Variants in CDH18 observed in about 807,000 individuals in gnomAD.
CDH18 encodes the protein cadherin 18.
In CDH18, 31 loss-of-function variants were observed where a neutral mutation model predicts 67.9. The ratio of observed to expected loss-of-function variants is 0.46; its 90% CI spans 0.34 to 0.62. The LOEUF (loss-of-function observed/expected upper bound fraction) is 0.62, where lower values mean the gene tolerates loss of function less well. Ranked by LOEUF, CDH18 falls within the 20% of genes least tolerant of loss-of-function variation. The probability of loss-of-function intolerance (pLI) is 0.01; values close to 1 mark genes in which losing one functional copy is unlikely to be tolerated. For missense variants in CDH18, 890 were observed against 975.5 expected (o/e 0.91, Z 1.17); for synonymous variants, 362 against 347.2 (o/e 1.04, Z -0.48).
intron 2 of CDH18, among the ~76,000 whole-genome samples, chr5:19,999,293 A>G (rs1487791884): frequency 6.6e-6 from 1 of 151,934 alleles, no homozygotes; most frequent in Non-Finnish European, 1.5e-5. Flanking sequence ...CTCCTCCACA[A>G]TTGCCCACAT....
intron 2 of CDH18, among the ~76,000 whole-genome samples, chr5:19,935,725 G>C (rs1421160043): frequency 7.1e-6 from 1 of 140,532 alleles, no homozygotes; most frequent in Non-Finnish European, 1.6e-5. Flanking sequence ...TTTTTTTACT[G>C]TGGAAAATAA....
At chr5:20,374,673 A>G (rs995858414) in intron 1 of CDH18, among the ~76,000 whole-genome samples, 2 of 152,220 alleles carry the variant, frequency 1.3e-5, no homozygotes, top group African/African-American at 4.8e-5. Flanking sequence ...GCTAAGTTGA[A>G]CAAATAAAAC....
At chr5:19,741,219 A>G (rs994051610) in intron 4 of CDH18, among the ~76,000 whole-genome samples, 14 of 106,738 alleles carry the variant, frequency 1.3e-4, no homozygotes, top group Admixed American at 1.3e-3. Context: ...ATATATGTAT[A>G]TATACATGTA....
chr5:19,888,804 C>T (rs1282198683), intron 2 of CDH18, among the ~76,000 whole-genome samples: 1 of 152,082 alleles, frequency 6.6e-6, no homozygotes, highest in Non-Finnish European at 1.5e-5. Flanking sequence ...GTCCTGGTAA[C>T]AGACATTTTT....
chr5:19,488,268 A>C (rs1328071844), intron 11 of CDH18, among the ~76,000 whole-genome samples: 1 of 152,222 alleles, frequency 6.6e-6, no homozygotes, highest in Non-Finnish European at 1.5e-5. Context: ...GAAAATATTA[A>C]AAAGTATGTG....
intron 1 of CDH18, among the ~76,000 whole-genome samples, chr5:20,424,141 T>A (rs1748090556): frequency 6.6e-6 from 1 of 150,448 alleles, no homozygotes; most frequent in African/African-American, 2.5e-5. Context: ...AGAGTTCTAC[T>A]AAAAGAAAAA....
At chr5:20,205,214 G>T (rs569459958) in intron 2 of CDH18, among the ~76,000 whole-genome samples, 1 of 151,840 alleles carries the variant, frequency 6.6e-6, no homozygotes, top group Non-Finnish European at 1.5e-5. Context: ...GCTGGAAACC[G>T]AAAATGAGCA....
At chr5:20,409,950 G>A (rs905573858) in intron 1 of CDH18, among the ~76,000 whole-genome samples, 36 of 151,460 alleles carry the variant, frequency 2.4e-4, no homozygotes, top group African/African-American at 8.5e-4. Context: ...TGAAGAAATA[G>A]AAAATCTAAA....
intron 1 of CDH18, chr5:20,304,250 A>G (rs1736212567): frequency 9.5e-6 from 15 of 1,584,454 alleles, no homozygotes; most frequent in Middle Eastern, 1.7e-4. Flanking sequence ...TATGTTGCCT[A>G]AATTGGTGTC....
intron 2 of CDH18, among the ~76,000 whole-genome samples, chr5:19,873,716 T>G (rs1260722443): frequency 6.6e-6 from 1 of 152,048 alleles, no homozygotes; most frequent in Non-Finnish European, 1.5e-5. Context: ...GGCACGATCT[T>G]GGCTCACTGC....
rs774396694 is a variant in CDH18, at chr5:20,555,408, C to CTTTTTTTTTT, written c.-580+20044_-580+20053dup. Among the ~76,000 whole-genome samples, 82 of 103,640 alleles carry CTTTTTTTTTT rather than the reference C, an allele frequency of 7.9e-4. 3 individuals are homozygous for CTTTTTTTTTT. The highest frequency in any genetic ancestry group is 1.5e-3 in the African/African-American group (36 of 24,366). The allele number at this position is 103,640 out of a possible 152,430, so 68.0% of individuals were successfully genotyped here. On this transcript the variant is annotated intron_variant, in intron 1 of 14. Coordinates refer to the CDH18 transcript ENST00000507958. ...GCCAGAACCACCAAGACAAGCTTTT[C>CTTTTTTTTTT]TTTTTTTTTTTTTTTTTTTTTTTTT...
intron 5 of CDH18, among the ~76,000 whole-genome samples, chr5:19,678,280 A>C (rs1759781831): frequency 1.3e-5 from 2 of 151,412 alleles, no homozygotes; most frequent in Admixed American, 6.6e-5. Context: ...CAGCAAACAC[A>C]CTCTCGGACA....
At chr5:20,105,681 C>T (rs534082448) in intron 2 of CDH18, among the ~76,000 whole-genome samples, 6 of 152,306 alleles carry the variant, frequency 3.9e-5, no homozygotes, top group South Asian at 2.1e-4. Context: ...CATTCTTTCA[C>T]GTCTGGCTTA....
intron 1 of CDH18, among the ~76,000 whole-genome samples, chr5:20,484,269 A>G (rs367580353): frequency 1.6e-4 from 24 of 152,230 alleles, no homozygotes; most frequent in African/African-American, 5.1e-4. Flanking sequence ...TCCAAAAGAC[A>G]GGCAATAATA....
intron 1 of CDH18, among the ~76,000 whole-genome samples, chr5:20,477,030 G>A (rs973252793): frequency 2.0e-5 from 3 of 152,192 alleles, no homozygotes; most frequent in Non-Finnish European, 2.9e-5. Flanking sequence ...GAGTTTTAGG[G>A]ATGCTATAGG....
At chr5:19,852,855 T>A (rs1431478162) in intron 2 of CDH18, among the ~76,000 whole-genome samples, 2 of 152,028 alleles carry the variant, frequency 1.3e-5, no homozygotes, top group Non-Finnish European at 2.9e-5. Flanking sequence ...TCCTATATAA[T>A]CCAGAGCAAC....
At chr5:19,872,657 C>T (rs7721928) in intron 2 of CDH18, among the ~76,000 whole-genome samples, 47,500 of 152,096 alleles carry the variant, frequency 0.31, 8,200 homozygotes, top group South Asian at 0.4. Context: ...GCCCAGCTGG[C>T]AACTTGATTG....
At chr5:19,622,224 T>A (rs562392769) in intron 5 of CDH18, among the ~76,000 whole-genome samples, 1 of 152,148 alleles carries the variant, frequency 6.6e-6, no homozygotes. Flanking sequence ...CTTCAAGAGA[T>A]GGCAGAAACA....
chr5:20,567,177 G>A (rs940369426), intron 1 of CDH18, among the ~76,000 whole-genome samples: 2 of 152,144 alleles, frequency 1.3e-5, no homozygotes, highest in Non-Finnish European at 1.5e-5. Context: ...AGGAAACAGC[G>A]AGGTAACAAA....
Sources: gnomAD v4.1 joint callset for allele counts (sites outside exome capture counted in the v4.1 genomes callset) on GRCh38, gnomAD v4.1.1 for gene constraint, MANE v1.5 for transcripts, NCBI Gene and HGNC (gene_info 2026-07-23, HGNC 2026-07-21) for gene names.